The following MAN2B1 variants were observed in gnomAD, a reference collection of about 807,000 sequenced individuals.
MAN2B1 encodes mannosidase alpha class 2B member 1.
In MAN2B1, 99 loss-of-function variants were observed where a neutral mutation model predicts 127.5. The ratio of observed to expected loss-of-function variants is 0.78; its 90% confidence interval spans 0.66 to 0.92. MAN2B1 has a LOEUF of 0.92. Ranked by LOEUF, MAN2B1 falls within the 40% of genes least tolerant of loss-of-function variation. The probability of loss-of-function intolerance (pLI) is 0.00; values close to 1 mark genes in which losing one functional copy is unlikely to be tolerated. For synonymous variants in MAN2B1, 573 were observed against 568.8 expected (o/e 1.01, Z -0.11); for missense variants, 1,304 against 1,384.8 (o/e 0.94, Z 0.93).
rs1052970162 is a variant in MAN2B1, at chr19:12,649,335, A to T, written c.2355+6T>A. On this transcript the variant is annotated splice_donor_region_variant and intron_variant, in intron 19 of 23. Transcript: ENST00000456935. ...GGTGGGGAGGTGCAGGATGGGGGAG[A>T]GCTACCGTGATGTAAATCCGGGTGT... is the stretch of plus-strand genomic sequence containing the variant. The T allele has an allele frequency of 8.1e-6, 13 of 1,611,582 alleles. No homozygotes were observed. In the Admixed American group the frequency reaches 1.3e-4, roughly 17 times the overall value.
chr19:12,659,924 G>A (rs1185948996), intron 7 of MAN2B1, among the ~76,000 whole-genome samples: 1 of 152,184 alleles, frequency 6.6e-6, no homozygotes, highest in Non-Finnish European at 1.5e-5. Flanking sequence ...GCGAGTGGAA[G>A]GTGGGAATGG....
In MAN2B1 at chr19:12,655,695, T is replaced by A; in HGVS notation, c.1829A>T (p.Glu610Val). 1 of 1,608,944 alleles carries A rather than the reference T, an allele frequency of 6.2e-7. No homozygotes were observed. Among genetic ancestry groups the A allele is most frequent in the Non-Finnish European group, 8.5e-7 (1 of 1,176,604 alleles). ...AAGGGGATTGAAATGGGGTCTCACC[T>A]CATTTTCGATGGTTAAAGCAGGGGA... ...SWSPALTIEN[E>V]HIRATFDPDT... Residue 610 changes from glutamate (E) to valine (V), a missense_variant and splice_region_variant, in exon 14 of 24, where the codon GAG becomes GTG. Transcript: ENST00000456935.
Position 12,657,020 on chromosome 19 carries a change from A to G in MAN2B1, c.1456T>C (p.Phe486Leu). Residue 486 changes from phenylalanine (F) to leucine (L), a missense_variant, in exon 12 of 24, where the codon TTC (phenylalanine) becomes CTC (leucine). Physicochemically the swap from Phe to Leu is conservative, Grantham distance 22. Transcript: ENST00000456935. Reference protein sequence around the residue: ...LSNALARLRGFKDHFTFCQQL... With the variant: ...LSNALARLRGLKDHFTFCQQL... ...TGGCAAAAGGTGAAGTGATCTTTGA[A>G]GCCTCTGAGCCGCGCCAGCGCGTTG... is the stretch of plus-strand genomic sequence containing the variant. 1 of 1,613,260 alleles carries G rather than the reference A, an allele frequency of 6.2e-7. No homozygotes were observed. The highest frequency in any genetic ancestry group is 8.5e-7 in the Non-Finnish European group (1 of 1,179,916).
intron 13 of MAN2B1, chr19:12,656,370 A>C: frequency 1.8e-6 from 1 of 567,922 alleles, no homozygotes; most frequent in Middle Eastern, 4.7e-4. Context: ...AAAAAAAAAA[A>C]AAGGGAGGAC....
chr19:12,649,920 C>T lies in MAN2B1; in HGVS notation c.2260G>A (p.Glu754Lys), dbSNP rs141212446. ...CTCTCAGTCACCCCCCACCTCCTCT[C>T]CAGGATCTCCCGGCCATTGCTGTCT... is the stretch of plus-strand genomic sequence containing the variant. ...YTDSNGREIL[E>K]RRRDYRPTWK... The change falls in exon 18 of 24, where the codon GAG (glutamate) becomes AAG (lysine). Residue 754 changes from glutamate to lysine, a missense_variant. Transcript: ENST00000456935. The T allele has an allele frequency of 1.7e-3, 2,788 of 1,613,084 alleles. 7 individuals carry two copies. The highest frequency in any genetic ancestry group is 2.1e-3 in the Non-Finnish European group (2,514 of 1,179,564).
chr19:12,664,783 G>T lies in MAN2B1; in HGVS notation c.630+9C>A. 1.2e-6 allele frequency: 2 copies of T among 1,610,916 alleles called. No individual in the cohort carries two copies. Among genetic ancestry groups the T allele is most frequent in the African/African-American group, 1.3e-5 (1 of 75,030 alleles). ...AAGAAGTGGGCCCAAGAGAGGTCCC[G>T]GGTCGCACCTGCGCAAACAGCGAGG... is the stretch of plus-strand genomic sequence containing the variant. On this transcript the variant is annotated intron_variant, in intron 4 of 23. Coordinates refer to ENST00000456935, the MANE Select transcript of MAN2B1 (RefSeq NM_000528.4).
At chr19:12,663,600 A>G in intron 5 of MAN2B1, 103 bp downstream of exon 5, 9 of 1,542,164 alleles carry the variant, frequency 5.8e-6, no homozygotes, top group Non-Finnish European at 7.9e-6. Flanking sequence ...TTGTTCCCAG[A>G]CTATAGGAAT....
Position 12,652,194 on chromosome 19 carries a change from G to A in MAN2B1, c.2005C>T (p.Pro669Ser). ...AYIFRPNQQK[P>S]LPVSRWAQIH... ...TGAGCCCAGCGGCTCACAGGCAGCG[G>A]TTTCTGTTGGTTGGGTCTGAAGATG... Residue 669 changes from proline to serine, a missense_variant, in exon 16 of 24, where the codon CCG (proline) becomes TCG (serine). Physicochemically the swap from Pro to Ser is moderately conservative, Grantham distance 74. Transcript: ENST00000456935. The A allele has an allele frequency of 6.2e-7, 1 of 1,614,168 alleles. No individual in the cohort carries two copies. Among genetic ancestry groups the A allele is most frequent in the Non-Finnish European group, 8.5e-7 (1 of 1,180,022 alleles).
At chr19:12,660,925 A>C (rs1306931153) in intron 7 of MAN2B1, 3 of 344,578 alleles carry the variant, frequency 8.7e-6, no homozygotes, top group Non-Finnish European at 1.7e-5. Flanking sequence ...CACCCAGCTA[A>C]TTTCTGTATT....
chr19:12,648,057 G>A (rs2023737334), intron 21 of MAN2B1, 118 bp downstream of exon 21: 2 of 1,085,816 alleles, frequency 1.8e-6, no homozygotes, highest in Admixed American at 2.0e-5. Flanking sequence ...TTGGCCCGAG[G>A]GTTTGGGGCT....
Position 12,664,868 on chromosome 19 carries a change from T to C in MAN2B1, c.554A>G (p.Asn185Ser), listed in dbSNP as rs2024189461. 2 of 1,613,958 alleles carry C rather than the reference T, an allele frequency of 1.2e-6. No individual in the cohort carries two copies. Among genetic ancestry groups the C allele is most frequent in the Admixed American group, 3.3e-5 (2 of 59,990 alleles). ...GLRFLEDTFG[N>S]DGRPRVAWHI... is the part of the protein sequence containing the mutation. ...CCAGGCCACACGGGGTCGCCCATCA[T>C]TGCCAAATGTGTCCTCCAGAAAGCG... The change falls in exon 4 of 24, where the codon AAT becomes AGT. Residue 185 changes from asparagine to serine, a missense_variant. Physicochemically the swap from Asn to Ser is conservative, Grantham distance 46. Coordinates refer to ENST00000456935, the MANE Select transcript of MAN2B1 (RefSeq NM_000528.4).
rs199883559 is a variant in MAN2B1, at chr19:12,663,831, C to A, written c.635G>T (p.Gly212Val). Reference protein sequence around the residue: ...REQASLFAQMGFDGFFFGRLD... With the variant: ...REQASLFAQMVFDGFFFGRLD... ...GCGCCCAAAGAAGAAGCCGTCGAAG[C>A]CCATCTGGGGATGAGGGAGGAAAAG... Residue 212 changes from glycine (G) to valine (V), a missense_variant, in exon 5 of 24, where the codon GGC becomes GTC. Gly to Val is a moderately radical substitution (Grantham distance 109). Coordinates refer to ENST00000456935, the MANE Select transcript of MAN2B1 (RefSeq NM_000528.4). 4 of 1,614,128 alleles carry A rather than the reference C, an allele frequency of 2.5e-6. No homozygotes were observed. The East Asian group carries it at 6.7e-5, about 27-fold the overall frequency.
At position 12,655,872 on chromosome 19, in the gene MAN2B1, A is replaced by G. The variant is rs1475575364; in HGVS notation, c.1652T>C (p.Ile551Thr). Residue 551 changes from isoleucine to threonine, a missense_variant, in exon 14 of 24, where the codon ATA becomes ACA. Physicochemically the swap from Ile to Thr is moderately conservative, Grantham distance 89. Coordinates refer to ENST00000456935, the MANE Select transcript of MAN2B1 (RefSeq NM_000528.4). ...CGCCTGGCTGTCTGAGCTGGGAAAT[A>G]TTACCACCTCGGATAAAGGAGGAGG... is the stretch of plus-strand genomic sequence containing the variant. Reference protein sequence around the residue: ...NGRTVPSDVVIFPSSDSQAHP... With the variant: ...NGRTVPSDVVTFPSSDSQAHP... 6.2e-7 allele frequency: 1 copy of G among 1,613,690 alleles called. No individual in the cohort carries two copies.
chr19:12,663,008 G>A (rs560793737), intron 6 of MAN2B1, among the ~76,000 whole-genome samples: 1 of 151,192 alleles, frequency 6.6e-6, no homozygotes, highest in Non-Finnish European at 1.5e-5. Context: ...GCTCATGCCT[G>A]TAATCCCGGC....
rs1293149729 is a variant in MAN2B1, at chr19:12,649,332, G to C, written c.2355+9C>G. On this transcript the variant is annotated intron_variant, in intron 19 of 23. Transcript: ENST00000456935. ...CGAGGTGGGGAGGTGCAGGATGGGGGAGAGCTACCGTGATGTAAATCCGGG... is the reference window on the plus strand; with the variant it reads ...CGAGGTGGGGAGGTGCAGGATGGGGCAGAGCTACCGTGATGTAAATCCGGG... 1 of 1,611,778 alleles carries C rather than the reference G, an allele frequency of 6.2e-7. No homozygotes were observed. Among genetic ancestry groups the C allele is most frequent in the South Asian group, 1.1e-5 (1 of 90,964 alleles).
At chr19:12,665,858 G>T (rs746735880) in intron 1 of MAN2B1, 53 bp from the exon 2 acceptor site, 2 of 1,425,186 alleles carry the variant, frequency 1.4e-6, no homozygotes, top group South Asian at 2.3e-5. Context: ...CGAGGTCGGG[G>T]GCTGCAGAGT....
chr19:12,656,724 G>A, intron 12 of MAN2B1, 37 bp from the exon 13 acceptor site: 2 of 1,452,598 alleles, frequency 1.4e-6, no homozygotes, highest in Non-Finnish European at 1.9e-6. Context: ...ATGGGTCACA[G>A]CAGGCCTTCT....
rs774396746 is a variant in MAN2B1, at chr19:12,657,467, C to G, written c.1398G>C (p.Ala466=). ...HVANDYARQL[A]AGWGPCEVLL... is the part of the protein sequence containing the mutation. ...GCACCTCGCAAGGCCCCCAGCCTGC[C>G]GCAAGCTGGCGCGCGTAGTCGTTGG... is the stretch of plus-strand genomic sequence containing the variant. The change falls in exon 11 of 24, where the codon GCG becomes GCC. Residue 466 remains alanine, a synonymous_variant. Transcript: ENST00000456935. 4.5e-6 allele frequency: 7 copies of G among 1,557,828 alleles called. No individual in the cohort carries two copies. Among genetic ancestry groups the G allele is most frequent in the Non-Finnish European group, 6.1e-6 (7 of 1,151,826 alleles).
rs1280139624 is a variant in MAN2B1 at position 12,663,365 on chromosome 19, G to A, written c.861C>T (p.Tyr287=). The change falls in exon 6 of 24, where the codon TAC becomes TAT. Residue 287 remains tyrosine (Y), a synonymous_variant. Coordinates refer to ENST00000456935, the MANE Select transcript of MAN2B1 (RefSeq NM_000528.4). ...PLVEDPRSPE[Y]NAKELVDYFL... Reference sequence around the variant, plus strand: ...AGTAATCGACCAGCTCCTTGGCGTTGTACTCGGGGCTGCGAGGGTCCTCCA... The same window carrying A: ...AGTAATCGACCAGCTCCTTGGCGTTATACTCGGGGCTGCGAGGGTCCTCCA... The A allele has an allele frequency of 2.5e-6, 4 of 1,614,132 alleles. 1 individual carries two copies. Among genetic ancestry groups the A allele is most frequent in the African/African-American group, 1.3e-5 (1 of 75,034 alleles).
Sources: allele counts gnomAD v4.1 joint callset (sites outside exome capture counted in the v4.1 genomes callset), GRCh38; gene constraint gnomAD v4.1.1; transcripts MANE v1.5; gene names NCBI Gene and HGNC (gene_info 2026-07-23, HGNC 2026-07-21).